CTNNA3: variants seen among roughly 807,000 people sequenced by gnomAD.
CTNNA3 encodes catenin alpha-3.
In CTNNA3, 76 loss-of-function variants were observed where a neutral mutation model predicts 95.7. The observed-to-expected ratio is 0.79, with a 90% CI of 0.66 to 0.96. The LOEUF is 0.96. Ranked by LOEUF, CTNNA3 falls within the 40% of genes least tolerant of loss-of-function variation. The pLI is 0.00. For missense variants in CTNNA3, 1,191 were observed against 1,089.8 expected (o/e 1.09, Z -1.31); for synonymous variants, 431 against 374.4 (o/e 1.15, Z -1.74).
At chr10:66,028,496 C>T (rs554382550) in intron 15 of CTNNA3, among the ~76,000 whole-genome samples, 37 of 150,670 alleles carry the variant, frequency 2.5e-4, no homozygotes, top group African/African-American at 8.5e-4. Context: ...ATCGCAAGGA[C>T]AAAAAACCAA....
At chr10:67,743,744 T>C (rs935139391) in intron 1 of CTNNA3, among the ~76,000 whole-genome samples, 2 of 151,218 alleles carry the variant, frequency 1.3e-5, no homozygotes, top group Non-Finnish European at 3.0e-5. Flanking sequence ...ATTGTATATC[T>C]AGAAAACCCC....
At chr10:66,063,758 A>T (rs559052997) in intron 15 of CTNNA3, among the ~76,000 whole-genome samples, 3 of 152,164 alleles carry the variant, frequency 2.0e-5, no homozygotes, top group African/African-American at 7.2e-5. Flanking sequence ...TTGTCTACTG[A>T]TATGGAACAT....
At chr10:66,054,226 C>T (rs998379224) in intron 15 of CTNNA3, among the ~76,000 whole-genome samples, 32 of 152,122 alleles carry the variant, frequency 2.1e-4, no homozygotes, top group African/African-American at 7.0e-4. Context: ...TGATTTCCTT[C>T]CCTTTGGATG....
In CTNNA3 at chr10:66,026,874, G is replaced by A. The variant is rs144704118; in HGVS notation, c.2160-38077C>T. ...GATTTAAATACTACTGTATGAAAAT[G>A]GTGCTTCTAAGTAATATTGTAAAGT... On this transcript the variant is annotated intron_variant, in intron 15 of 17. Coordinates refer to ENST00000433211, the MANE Select transcript of CTNNA3 (RefSeq NM_013266.4). Among the ~76,000 whole-genome samples, 1,368 of 152,074 alleles carry A rather than the reference G, an allele frequency of 9.0e-3. 16 individuals are homozygous for A. The highest frequency in any genetic ancestry group is 0.032 in the African/African-American group (1,321 of 41,480).
intron 13 of CTNNA3, among the ~76,000 whole-genome samples, chr10:66,109,460 A>G (rs929005828): frequency 6.6e-6 from 1 of 152,212 alleles, no homozygotes; most frequent in Non-Finnish European, 1.5e-5. Flanking sequence ...GTCATGAGAT[A>G]TAATTAAATA....
intron 5 of CTNNA3, among the ~76,000 whole-genome samples, chr10:67,377,243 G>T (rs1843726414): frequency 6.6e-6 from 1 of 152,132 alleles, no homozygotes; most frequent in Non-Finnish European, 1.5e-5. Flanking sequence ...CTGTTAAAAA[G>T]AAAACCTTCT....
chr10:67,311,410 A>T (rs983835729), intron 5 of CTNNA3, among the ~76,000 whole-genome samples: 1 of 152,204 alleles, frequency 6.6e-6, no homozygotes, highest in Non-Finnish European at 1.5e-5. Context: ...TATTAAAACC[A>T]AATACCTGAA....
intron 16 of CTNNA3, among the ~76,000 whole-genome samples, chr10:65,971,455 T>A (rs1589195434): frequency 7.0e-6 from 1 of 143,252 alleles, no homozygotes; most frequent in Non-Finnish European, 1.5e-5. Flanking sequence ...AGAGAGAGGA[T>A]TCAAATAAGC....
chr10:67,129,680 TTTACTTCC>T (rs915079707), intron 7 of CTNNA3, among the ~76,000 whole-genome samples: 5 of 152,198 alleles, frequency 3.3e-5, no homozygotes, highest in African/African-American at 1.2e-4. Flanking sequence ...TTTACGTTTC[TTTACTTCC>T]TTATGCCCTG....
At chr10:67,354,516 T>TGAG (rs1842743176) in intron 5 of CTNNA3, among the ~76,000 whole-genome samples, 1 of 151,934 alleles carries the variant, frequency 6.6e-6, no homozygotes, top group Non-Finnish European at 1.5e-5. Context: ...GAAGAGATAC[T>TGAG]AAAAAATCTC....
At chr10:66,961,977 C>A (rs750891874) in intron 7 of CTNNA3, among the ~76,000 whole-genome samples, 1 of 152,106 alleles carries the variant, frequency 6.6e-6, no homozygotes, top group African/African-American at 2.4e-5. Flanking sequence ...GAAGACTCCA[C>A]GCTGTAAATG....
intron 1 of CTNNA3, among the ~76,000 whole-genome samples, chr10:67,707,046 T>C (rs955197735): frequency 9.9e-5 from 15 of 152,154 alleles, no homozygotes; most frequent in African/African-American, 3.4e-4. Flanking sequence ...TTCTTTTCCC[T>C]CATTACCATC....
intron 8 of CTNNA3, among the ~76,000 whole-genome samples, chr10:66,768,066 T>G (rs1198222533): frequency 6.6e-6 from 1 of 152,140 alleles, no homozygotes; most frequent in Non-Finnish European, 1.5e-5. Context: ...AAGTCAGGCG[T>G]AAGGTCACGA....
chr10:67,233,720 G>A (rs1213016564), intron 5 of CTNNA3, among the ~76,000 whole-genome samples: 2 of 150,336 alleles, frequency 1.3e-5, no homozygotes, highest in Non-Finnish European at 3.0e-5. Context: ...AATGAATCCA[G>A]GAGCTGGTTT....
intron 9 of CTNNA3, among the ~76,000 whole-genome samples, chr10:66,726,329 T>C (rs141004075): frequency 6.6e-6 from 1 of 152,064 alleles, no homozygotes; most frequent in Non-Finnish European, 1.5e-5. Flanking sequence ...TAATTCAAAA[T>C]GTAAAGCCAA....
At chr10:66,541,055 G>GA (rs200854276) in intron 10 of CTNNA3, among the ~76,000 whole-genome samples, 3 of 151,926 alleles carry the variant, frequency 2.0e-5, no homozygotes, top group Admixed American at 1.3e-4. Context: ...CTCTCAAAAA[G>GA]AAAAAAACCT....
At chr10:67,439,385 G>A (rs1846416540) in intron 5 of CTNNA3, among the ~76,000 whole-genome samples, 1 of 152,122 alleles carries the variant, frequency 6.6e-6, no homozygotes, top group Non-Finnish European at 1.5e-5. Flanking sequence ...TCATAAGGAG[G>A]TCTCAGGAAA....
intron 12 of CTNNA3, among the ~76,000 whole-genome samples, chr10:66,293,779 C>T (rs570221354): frequency 1.4e-4 from 21 of 151,396 alleles, no homozygotes; most frequent in African/African-American, 4.1e-4. Flanking sequence ...AATTCTCCTG[C>T]GTCAGCCTCC....
intron 9 of CTNNA3, among the ~76,000 whole-genome samples, chr10:66,640,501 T>A (rs1845479459): frequency 6.6e-6 from 1 of 152,188 alleles, no homozygotes; most frequent in Non-Finnish European, 1.5e-5. Context: ...TCATTGTAAG[T>A]CAGCTGCTGC....
Sources: allele counts gnomAD v4.1 joint callset (sites outside exome capture counted in the v4.1 genomes callset), GRCh38; gene constraint gnomAD v4.1.1; transcripts MANE v1.5; gene names NCBI Gene and HGNC (gene_info 2026-07-23, HGNC 2026-07-21).